Variants in TMEM144 observed in about 807,000 individuals in gnomAD.
TMEM144 encodes transmembrane protein 144.
Under a neutral mutation model 43.6 loss-of-function variants are expected in TMEM144, and 39 were observed. That is an observed-to-expected ratio of 0.90 (90% CI 0.69 to 1.17). TMEM144 has a LOEUF of 1.17. TMEM144 is among the 50% of genes most tolerant of loss of function. TMEM144 has a pLI of 0.00. For missense variants in TMEM144, 417 were observed against 411.9 expected, an observed-to-expected ratio of 1.01 and a Z score of -0.11; for synonymous variants, 154 against 133.6, an observed-to-expected ratio of 1.15 and a Z score of -1.06.
Position 158,217,440 on chromosome 4 carries a change from T to C in TMEM144, c.332+20T>C. ...CTCAAGGTAATTCAAGTCAAACTAG[T>C]TCAACTAAGATTTCCTGCATCCATA... On this transcript the variant is annotated intron_variant, in intron 5 of 12. Transcript: ENST00000296529. 1 of 1,530,258 alleles carries C rather than the reference T, an allele frequency of 6.5e-7. No individual in the cohort carries two copies. Among genetic ancestry groups the C allele is most frequent in the Non-Finnish European group, 9.0e-7 (1 of 1,105,078 alleles). The allele number at this position is 1,530,258 out of a possible 1,614,324, so 94.8% of individuals were successfully genotyped here.
intron 9 of TMEM144, among the ~76,000 whole-genome samples, chr4:158,237,929 A>G (rs1735440092): frequency 6.6e-6 from 1 of 152,196 alleles, no homozygotes. Context: ...TTCCAGTTAG[A>G]TGATCTCTGG....
intron 8 of TMEM144, among the ~76,000 whole-genome samples, chr4:158,236,743 T>C (rs552833614): frequency 3.0e-4 from 45 of 152,208 alleles, no homozygotes; most frequent in African/African-American, 1.1e-3. Flanking sequence ...TGGAGTGCAG[T>C]GGCAAAGTGC....
At chr4:158,253,292 T>G (rs1579165195) in intron 12 of TMEM144, 152 bp from the exon 13 acceptor site, 1 of 583,530 alleles carries the variant, frequency 1.7e-6, no homozygotes, top group Non-Finnish European at 3.0e-6. Flanking sequence ...TCTGCAGGGG[T>G]TTGTGAGAAC....
At chr4:158,244,275 A>C in intron 11 of TMEM144, 21 bp from the exon 12 acceptor site, 12 of 1,543,166 alleles carry the variant, frequency 7.8e-6, no homozygotes, top group Non-Finnish European at 1.1e-5. Context: ...AATTTAATTA[A>C]AATTTATATT....
At chr4:158,218,550 G>A (rs1734349969) in intron 5 of TMEM144, among the ~76,000 whole-genome samples, 1 of 151,312 alleles carries the variant, frequency 6.6e-6, no homozygotes, top group African/African-American at 2.4e-5. Flanking sequence ...CCCCTGGATG[G>A]TTCTCAGTGA....
At chr4:158,248,561 A>C (rs1736010741) in intron 12 of TMEM144, among the ~76,000 whole-genome samples, 1 of 152,262 alleles carries the variant, frequency 6.6e-6, no homozygotes, top group South Asian at 2.1e-4. Context: ...GAAAAATTTT[A>C]AATACTTACA....
intron 12 of TMEM144, among the ~76,000 whole-genome samples, chr4:158,249,051 A>T (rs556086255): frequency 2.0e-5 from 3 of 151,984 alleles, no homozygotes; most frequent in African/African-American, 7.2e-5. Flanking sequence ...GGATTACAGA[A>T]GCCCGCCACC....
chr4:158,250,492 T>G (rs940030613), intron 12 of TMEM144, among the ~76,000 whole-genome samples: 1 of 152,156 alleles, frequency 6.6e-6, no homozygotes, highest in Admixed American at 6.5e-5. Flanking sequence ...GAGAGCCACG[T>G]GTTCCTACTG....
chr4:158,234,752 G>A (rs1176178830), intron 7 of TMEM144: 1 of 152,254 alleles, frequency 6.6e-6, no homozygotes, highest in Non-Finnish European at 1.5e-5. Context: ...CTGGACATAG[G>A]GATCATTCAC....
At position 158,237,573 on chromosome 4, in the gene TMEM144, T is replaced by C; in HGVS notation, c.612T>C (p.Phe204=). The C allele has an allele frequency of 6.2e-7, 1 of 1,614,056 alleles. No individual in the cohort carries two copies. The highest frequency in any genetic ancestry group is 8.5e-7 in the Non-Finnish European group (1 of 1,179,934). ...CTGGAGTACTCTATGGATCTACATT[T>C]GTGCCAATCATCTACATCAAGGACC... is the stretch of plus-strand genomic sequence containing the variant. ...VISGVLYGST[F]VPIIYIKDHS... is the part of the protein sequence containing the mutation. Residue 204 remains phenylalanine (F), a synonymous_variant, in exon 9 of 13, where the codon TTT becomes TTC. Coordinates refer to ENST00000296529, the MANE Select transcript of TMEM144 (RefSeq NM_018342.5).
intron 6 of TMEM144, among the ~76,000 whole-genome samples, chr4:158,224,564 T>A (rs1220739569): frequency 6.6e-6 from 1 of 152,222 alleles, no homozygotes; most frequent in African/African-American, 2.4e-5. Context: ...TTTAGAGTTC[T>A]CGTACACTTA....
intron 6 of TMEM144, among the ~76,000 whole-genome samples, chr4:158,232,602 A>G (rs748162248): frequency 6.6e-6 from 1 of 152,264 alleles, no homozygotes; most frequent in Non-Finnish European, 1.5e-5. Context: ...ATATTATTTC[A>G]ATGTAGTTTT....
At chr4:158,234,805 A>G (rs895862721) in intron 7 of TMEM144, 1 of 152,372 alleles carries the variant, frequency 6.6e-6, no homozygotes, top group South Asian at 2.1e-4. Context: ...GTTTCATCAC[A>G]CTATTCAGAA....
At chr4:158,247,549 G>A (rs1380827488) in intron 12 of TMEM144, among the ~76,000 whole-genome samples, 2 of 151,804 alleles carry the variant, frequency 1.3e-5, no homozygotes, top group Non-Finnish European at 2.9e-5. Context: ...ATTTAGTAAG[G>A]CTTGAGATAT....
chr4:158,226,859 C>A (rs1483328088), intron 6 of TMEM144, among the ~76,000 whole-genome samples: 1 of 152,066 alleles, frequency 6.6e-6, no homozygotes, highest in African/African-American at 2.4e-5. Flanking sequence ...ATATAATACT[C>A]TTTTTACATA....
At chr4:158,225,654 T>C (rs998855313) in intron 6 of TMEM144, among the ~76,000 whole-genome samples, 8 of 152,172 alleles carry the variant, frequency 5.3e-5, no homozygotes. Context: ...AAAGCACAAG[T>C]GCCATGCTAG....
At chr4:158,210,884 G>A (rs1392514033) in intron 1 of TMEM144, 3 of 152,128 alleles carry the variant, frequency 2.0e-5, no homozygotes, top group Non-Finnish European at 4.4e-5. Flanking sequence ...ATGTAAAGGA[G>A]AAGTATTTAC....
At chr4:158,229,362 T>C (rs921002524) in intron 6 of TMEM144, among the ~76,000 whole-genome samples, 1 of 152,186 alleles carries the variant, frequency 6.6e-6, no homozygotes, top group African/African-American at 2.4e-5. Context: ...CAAAGATGGA[T>C]GCCTTCTTCT....
intron 6 of TMEM144, among the ~76,000 whole-genome samples, chr4:158,228,753 G>A (rs1734907788): frequency 6.6e-6 from 1 of 152,148 alleles, no homozygotes; most frequent in Non-Finnish European, 1.5e-5. Context: ...ACCAAGAAAT[G>A]TAGCAGGAGG....
Sources: allele counts gnomAD v4.1 joint callset (sites outside exome capture counted in the v4.1 genomes callset), GRCh38; gene constraint gnomAD v4.1.1; transcripts MANE v1.5; gene names NCBI Gene and HGNC (gene_info 2026-07-23, HGNC 2026-07-21).